Variants in PDZD2 observed in about 807,000 individuals in gnomAD.
PDZD2 encodes PDZ domain-containing protein 2.
In PDZD2, 90 loss-of-function variants were observed where a neutral mutation model predicts 220.7. That is an observed-to-expected ratio of 0.41 (90% CI 0.34 to 0.49). The LOEUF is 0.49. Among genes scored for constraint, PDZD2 ranks in the 20% least tolerant of loss-of-function variants. The probability of loss-of-function intolerance (pLI) is 0.28; values close to 1 mark genes in which losing one functional copy is unlikely to be tolerated. For missense variants in PDZD2, 3,174 were observed against 3,608.5 expected, an observed-to-expected ratio of 0.88 and a Z score of 3.08; for synonymous variants, 1,375 against 1,450.5, an observed-to-expected ratio of 0.95 and a Z score of 1.18.
At chr5:31,772,235 C>T (rs1466750165) in intron 1 of PDZD2, among the ~76,000 whole-genome samples, 3 of 152,180 alleles carry the variant, frequency 2.0e-5, no homozygotes, top group Non-Finnish European at 4.4e-5. Flanking sequence ...ATCCTGGTCA[C>T]CTGCTCTGAC....
intron 3 of PDZD2, among the ~76,000 whole-genome samples, chr5:31,984,397 T>A (rs1242006253): frequency 1.3e-5 from 2 of 152,186 alleles, no homozygotes; most frequent in African/African-American, 4.8e-5. Context: ...AGGGTAGACA[T>A]GTTCATTCCA....
chr5:31,660,396 G>A (rs1472771301), intron 1 of PDZD2, among the ~76,000 whole-genome samples: 1 of 151,942 alleles, frequency 6.6e-6, no homozygotes, highest in Non-Finnish European at 1.5e-5. Flanking sequence ...TTCTCACACT[G>A]CTATGAAGAA....
At chr5:31,893,257 T>C (rs2150350061) in intron 2 of PDZD2, among the ~76,000 whole-genome samples, 1 of 152,180 alleles carries the variant, frequency 6.6e-6, no homozygotes, top group Non-Finnish European at 1.5e-5. Context: ...AGCCTGCCAT[T>C]GATTGTGGTT....
intron 1 of PDZD2, among the ~76,000 whole-genome samples, chr5:31,676,453 GA>G (rs1275451356): frequency 6.7e-6 from 1 of 149,706 alleles, no homozygotes; most frequent in Non-Finnish European, 1.5e-5. Context: ...TTGAAGGCCA[GA>G]GAGATTGGGG....
In PDZD2 at chr5:32,092,952, G is replaced by A. The variant is rs1468918193; in HGVS notation, c.7773G>A (p.Gln2591=). 6.2e-7 allele frequency: 1 copy of A among 1,607,206 alleles called. No individual in the cohort carries two copies. The highest frequency in any genetic ancestry group is 1.7e-5 in the Admixed American group (1 of 59,956). Residue 2591 remains glutamine (Q), a synonymous_variant, in exon 21 of 25, where the codon CAG becomes CAA. Coordinates refer to ENST00000438447, the MANE Select transcript of PDZD2 (RefSeq NM_178140.4). ...CAGCGGGGGACCAGCAAAGATTACA[G>A]TCTGTTTTATCGTCAGTGGGATCGA... The part of the protein sequence containing the change: ...LVSAGDQQRL[Q]SVLSSVGSKS...
rs60090097 is a variant in PDZD2 at position 31,767,062 on chromosome 5, T to C, written c.-360-31827T>C. ...TTTTTTTTTTGAGACAGAGTCTCACTGTGTCTCAGTGGAGACTGGAGTGCA... is the reference window on the plus strand; with the variant it reads ...TTTTTTTTTTGAGACAGAGTCTCACCGTGTCTCAGTGGAGACTGGAGTGCA... On this transcript the variant is annotated intron_variant, in intron 1 of 24. Coordinates refer to ENST00000438447, the MANE Select transcript of PDZD2 (RefSeq NM_178140.4). 5.3e-3 allele frequency among the ~76,000 whole-genome samples: 679 copies of C among 127,188 alleles called. 7 individuals are homozygous for C. The highest frequency in any genetic ancestry group is 0.02 in the African/African-American group (640 of 32,034). 83.4% of individuals were successfully genotyped at this position (127,188 alleles called of 152,430 possible).
At chr5:32,102,660 A>G (rs1227708927) in intron 24 of PDZD2, among the ~76,000 whole-genome samples, 2 of 152,168 alleles carry the variant, frequency 1.3e-5, no homozygotes, top group African/African-American at 4.8e-5. Flanking sequence ...TCTCAGACGA[A>G]GGGTACAGGG....
Position 32,108,226 on chromosome 5 carries a change from C to A in PDZD2, c.*91C>A. 1 of 785,036 alleles carries A rather than the reference C, an allele frequency of 1.3e-6. No homozygotes were observed. Among genetic ancestry groups the A allele is most frequent in the Non-Finnish European group, 2.0e-6 (1 of 490,752 alleles). 48.6% of individuals were successfully genotyped at this position (785,036 alleles called of 1,614,324 possible). On this transcript the variant is annotated 3_prime_UTR_variant, in exon 25 of 25. Transcript: ENST00000438447. ...CCACAGGTTGTTGAAATGGCCAACACTGGTACAGACACGGACTATAAAAAT... is the reference window on the plus strand; with the variant it reads ...CCACAGGTTGTTGAAATGGCCAACAATGGTACAGACACGGACTATAAAAAT...
intron 24 of PDZD2, among the ~76,000 whole-genome samples, chr5:32,102,094 G>A (rs577353204): frequency 6.6e-6 from 1 of 152,138 alleles, no homozygotes; most frequent in Non-Finnish European, 1.5e-5. Context: ...CTCCACTCTT[G>A]ACCTATAGTG....
chr5:31,989,397 G>A (rs547399631), intron 3 of PDZD2, among the ~76,000 whole-genome samples: 1 of 139,296 alleles, frequency 7.2e-6, no homozygotes, highest in Non-Finnish European at 1.5e-5. Context: ...GGAGTATTCT[G>A]TGGTATATAC....
chr5:31,740,038 G>C (rs1750152076), intron 1 of PDZD2, among the ~76,000 whole-genome samples: 1 of 152,008 alleles, frequency 6.6e-6, no homozygotes, highest in Admixed American at 6.6e-5. Context: ...CCAAAAATCT[G>C]TTCCCATCTT....
intron 5 of PDZD2, among the ~76,000 whole-genome samples, chr5:32,003,167 CCACACACCATACACCACACACACACTA>C (rs1752434487): frequency 1.5e-5 from 1 of 67,018 alleles, no homozygotes; most frequent in East Asian, 7.8e-4. Flanking sequence ...AACACACACA[CCACACACCATACACCACACACACACTA>C]CACACACCAC....
chr5:31,842,483 G>A (rs1237106824), intron 2 of PDZD2, among the ~76,000 whole-genome samples: 1 of 152,186 alleles, frequency 6.6e-6, no homozygotes, highest in Non-Finnish European at 1.5e-5. Context: ...CCTTCCAAAG[G>A]CACTGGGTTA....
At chr5:31,714,071 A>G (rs477333) in intron 1 of PDZD2, among the ~76,000 whole-genome samples, 125,811 of 152,266 alleles carry the variant, frequency 0.83, 52,343 homozygotes, top group East Asian at 0.94. Flanking sequence ...CTCTTTAATC[A>G]CAGTGACTAA....
intron 6 of PDZD2, among the ~76,000 whole-genome samples, chr5:32,018,761 C>T (rs2112125447): frequency 6.6e-6 from 1 of 152,326 alleles, no homozygotes; most frequent in East Asian, 1.9e-4. Flanking sequence ...GTTCCTTAAG[C>T]AACACTTCAG....
intron 2 of PDZD2, among the ~76,000 whole-genome samples, chr5:31,903,095 G>A (rs1343915430): frequency 3.3e-5 from 5 of 151,714 alleles, no homozygotes; most frequent in Non-Finnish European, 5.9e-5. Flanking sequence ...AGGAGTTCGA[G>A]ACCAGCCTGA....
intron 1 of PDZD2, among the ~76,000 whole-genome samples, chr5:31,750,621 G>A (rs183574016): frequency 9.2e-5 from 14 of 152,266 alleles, no homozygotes; most frequent in East Asian, 3.9e-4. Flanking sequence ...GGGAAGGTCC[G>A]AGTGGGTGCT....
intron 5 of PDZD2, among the ~76,000 whole-genome samples, chr5:32,002,785 C>CCA (rs1224396881): frequency 3.2e-4 from 26 of 80,000 alleles, no homozygotes; most frequent in African/African-American, 1.2e-3. Flanking sequence ...CAACACACAA[C>CCA]CACACACACC....
rs60408731 is a variant in PDZD2 at position 31,824,212 on chromosome 5, G to A, written c.476+24488G>A. On this transcript the variant is annotated intron_variant, in intron 2 of 24. Coordinates refer to ENST00000438447, the MANE Select transcript of PDZD2 (RefSeq NM_178140.4). ...AAAAAGGTCCCTGAGCCCCAGATGA[G>A]ATTGTTGGCAGCTCCAGTCAACACA... Among the ~76,000 whole-genome samples, 1,271 of 152,268 alleles carry A rather than the reference G, an allele frequency of 8.3e-3. 20 individuals are homozygous for A. The highest frequency in any genetic ancestry group is 0.029 in the African/African-American group (1,201 of 41,556).
Sources: allele counts gnomAD v4.1 joint callset (sites outside exome capture counted in the v4.1 genomes callset), GRCh38; gene constraint gnomAD v4.1.1; transcripts MANE v1.5; gene names NCBI Gene and HGNC (gene_info 2026-07-23, HGNC 2026-07-21).